EDARADD: variants seen among roughly 807,000 people sequenced by gnomAD.
EDARADD encodes the protein EDAR associated via death domain.
Under a neutral mutation model 25.6 loss-of-function variants are expected in EDARADD, and 20 were observed. That is an observed-to-expected ratio of 0.78 (90% CI 0.55 to 1.14). The LOEUF (loss-of-function observed/expected upper bound fraction) is 1.14, where lower values mean the gene tolerates loss of function less well. Ranked by LOEUF, EDARADD falls within the 50% of genes most tolerant of loss-of-function variation. The pLI, the probability that EDARADD is intolerant of heterozygous loss-of-function variation, is 0.00. For missense variants in EDARADD, 225 were observed against 270.1 expected (o/e 0.83, Z 1.17); for synonymous variants, 86 against 94.4 (o/e 0.91, Z 0.52).
At chr1:236,412,617 T>A (rs1221502358) in intron 2 of EDARADD, among the ~76,000 whole-genome samples, 1 of 152,198 alleles carries the variant, frequency 6.6e-6, no homozygotes, top group East Asian at 1.9e-4. Context: ...TCCCTTCTCC[T>A]GCCATGCCTG....
chr1:236,381,441 G>A (rs1035701662), intron 3 of EDARADD, among the ~76,000 whole-genome samples: 52 of 151,690 alleles, frequency 3.4e-4, no homozygotes, highest in Middle Eastern at 3.4e-3. Flanking sequence ...TTACTTTAGC[G>A]TTTATCATAT....
At chr1:236,388,947 C>T (rs1667389073) in intron 3 of EDARADD, among the ~76,000 whole-genome samples, 1 of 152,168 alleles carries the variant, frequency 6.6e-6, no homozygotes, top group South Asian at 2.1e-4. Flanking sequence ...ACTGATAACA[C>T]TAGATTGTTT....
intron 1 of EDARADD, among the ~76,000 whole-genome samples, chr1:236,406,840 T>C (rs1451611969): frequency 6.6e-6 from 1 of 152,228 alleles, no homozygotes; most frequent in Non-Finnish European, 1.5e-5. Flanking sequence ...CTGCGAGTGC[T>C]GGGTCTGGGT....
chr1:236,412,446 G>A (rs1006703793), intron 2 of EDARADD, among the ~76,000 whole-genome samples: 3 of 152,114 alleles, frequency 2.0e-5, no homozygotes, highest in Non-Finnish European at 2.9e-5. Context: ...CAAGTTTCCC[G>A]AGAACCTAGA....
intron 4 of EDARADD, among the ~76,000 whole-genome samples, chr1:236,461,407 G>A (rs1362774055): frequency 6.6e-6 from 1 of 152,144 alleles, no homozygotes; most frequent in Non-Finnish European, 1.5e-5. Context: ...TGAAGAGACT[G>A]TCTTTTTCAC....
chr1:236,383,274 A>T, intron 3 of EDARADD, among the ~76,000 whole-genome samples: 1 of 151,896 alleles, frequency 6.6e-6, no homozygotes, highest in South Asian at 2.1e-4. Context: ...GCATGCCTGT[A>T]GTCCCAGCTA....
intron 3 of EDARADD, among the ~76,000 whole-genome samples, chr1:236,376,566 T>C (rs956223273): frequency 6.6e-6 from 1 of 152,160 alleles, no homozygotes; most frequent in Non-Finnish European, 1.5e-5. Context: ...GTAAATAAGG[T>C]GTTTTTTCTC....
intron 2 of EDARADD, among the ~76,000 whole-genome samples, chr1:236,411,548 T>G (rs1311526463): frequency 1.7e-5 from 2 of 118,066 alleles, no homozygotes; most frequent in African/African-American, 2.8e-5. Context: ...CTTCTTCTTC[T>G]TTTTTTTTTT....
At chr1:236,389,567 GA>G (rs1287302536), upstream of EDARADD, among the ~76,000 whole-genome samples, 3 of 152,164 alleles carry the variant, frequency 2.0e-5, no homozygotes, top group African/African-American at 7.2e-5. Flanking sequence ...CTGACAAACA[GA>G]AATCAAATCA....
intron 5 of EDARADD, among the ~76,000 whole-genome samples, chr1:236,473,172 A>G (rs1357519023): frequency 2.0e-5 from 3 of 152,232 alleles, no homozygotes; most frequent in Non-Finnish European, 4.4e-5. Context: ...AGAGACAGAT[A>G]ATAAACACAA....
At chr1:236,377,951 C>T (rs2102995247) in intron 3 of EDARADD, among the ~76,000 whole-genome samples, 1 of 152,192 alleles carries the variant, frequency 6.6e-6, no homozygotes, top group East Asian at 1.9e-4. Flanking sequence ...ACATGATATA[C>T]TGGGTAAAAG....
At chr1:236,399,453 C>G (rs1035504890) in intron 1 of EDARADD, among the ~76,000 whole-genome samples, 1 of 152,202 alleles carries the variant, frequency 6.6e-6, no homozygotes, top group Non-Finnish European at 1.5e-5. Flanking sequence ...TCCCAAAGTG[C>G]TGGGATTACA....
At chr1:236,354,032 G>T (rs1572105975) in intron 3 of EDARADD, among the ~76,000 whole-genome samples, 1 of 152,078 alleles carries the variant, frequency 6.6e-6, no homozygotes, top group African/African-American at 2.4e-5. Context: ...TCTTCGGGTT[G>T]CGAGGCTTAG....
chr1:236,439,330 G>T (rs1297130164), intron 4 of EDARADD, among the ~76,000 whole-genome samples: 1 of 152,150 alleles, frequency 6.6e-6, no homozygotes, highest in African/African-American at 2.4e-5. Flanking sequence ...GCAGATTTTT[G>T]TGTGGCCATA....
chr1:236,455,934 C>T (rs1006320904), intron 4 of EDARADD, among the ~76,000 whole-genome samples: 8 of 152,160 alleles, frequency 5.3e-5, no homozygotes, highest in African/African-American at 1.4e-4. Context: ...GGACTACAGG[C>T]GCCCGCCACC....
intron 1 of EDARADD, among the ~76,000 whole-genome samples, chr1:236,403,530 G>T (rs533513852): frequency 1.3e-5 from 2 of 151,078 alleles, no homozygotes; most frequent in African/African-American, 2.4e-5. Flanking sequence ...CTCGTGATCC[G>T]CCTGCCTCGG....
chr1:236,361,197 G>T (rs1667043798), intron 3 of EDARADD, among the ~76,000 whole-genome samples: 1 of 152,048 alleles, frequency 6.6e-6, no homozygotes, highest in Non-Finnish European at 1.5e-5. Flanking sequence ...CATCTCCAAT[G>T]GTTTCCTCAC....
intron 4 of EDARADD, among the ~76,000 whole-genome samples, chr1:236,453,495 C>T (rs1658768867): frequency 6.6e-6 from 1 of 152,102 alleles, no homozygotes; most frequent in Admixed American, 6.6e-5. Flanking sequence ...CTGGGTTGGT[C>T]TCTAACTCCT....
intron 4 of EDARADD, among the ~76,000 whole-genome samples, chr1:236,441,933 C>T (rs560060371): frequency 5.8e-4 from 89 of 152,156 alleles, no homozygotes; most frequent in Middle Eastern, 3.4e-3. Context: ...GGAAAGAAGT[C>T]GAAGTCATCT....
Sources: gnomAD v4.1 joint callset for allele counts (sites outside exome capture counted in the v4.1 genomes callset) on GRCh38, gnomAD v4.1.1 for gene constraint, MANE v1.5 for transcripts, NCBI Gene and HGNC (gene_info 2026-07-23, HGNC 2026-07-21) for gene names.